Variants in NFIB observed in about 807,000 individuals in gnomAD.
NFIB encodes nuclear factor 1 B-type.
NFIB carries 11 observed loss-of-function variants against 61.5 expected under a neutral mutation model. That is an observed-to-expected ratio of 0.18 (90% CI 0.11 to 0.30). The LOEUF (loss-of-function observed/expected upper bound fraction) is 0.30, where lower values mean the gene tolerates loss of function less well. Among genes scored for constraint, NFIB ranks in the 10% least tolerant of loss-of-function variants. The probability of loss-of-function intolerance (pLI) is 1.00; values close to 1 mark genes in which losing one functional copy is unlikely to be tolerated. For synonymous variants in NFIB, 260 were observed against 216.5 expected, an observed-to-expected ratio of 1.20 and a Z score of -1.76; for missense variants, 471 against 608.9, an observed-to-expected ratio of 0.77 and a Z score of 2.38.
At chr9:14,267,430 C>A (rs971873111) in intron 2 of NFIB, among the ~76,000 whole-genome samples, 1 of 152,068 alleles carries the variant, frequency 6.6e-6, no homozygotes, top group Non-Finnish European at 1.5e-5. Context: ...CTCAAAGGGC[C>A]TTTTAACCAA....
intron 1 of NFIB, among the ~76,000 whole-genome samples, chr9:14,366,651 AG>A (rs2061303444): frequency 6.6e-6 from 1 of 151,778 alleles, no homozygotes; most frequent in South Asian, 2.1e-4. Flanking sequence ...ATACCTGGCT[AG>A]TTTTTTGTAT....
At chr9:14,246,731 G>C (rs2054972604) in intron 2 of NFIB, among the ~76,000 whole-genome samples, 1 of 152,138 alleles carries the variant, frequency 6.6e-6, no homozygotes, top group South Asian at 2.1e-4. Flanking sequence ...GTGCTAACAG[G>C]CTAGAGTGAA....
chr9:14,294,981 T>G (rs17213362), intron 2 of NFIB, among the ~76,000 whole-genome samples: 37,527 of 152,108 alleles, frequency 0.25, 4,876 homozygotes, highest in Middle Eastern at 0.33. Context: ...CAACCAGAGC[T>G]ACTGAAGTCA....
At chr9:14,448,924 C>G in the NFIB span, among the ~76,000 whole-genome samples, 1 of 152,044 alleles carries the variant, frequency 6.6e-6, no homozygotes, top group Non-Finnish European at 1.5e-5. Context: ...GATATGCATA[C>G]AAATCAAAGA....
At chr9:14,315,801 G>A (rs1250409119), upstream of NFIB, among the ~76,000 whole-genome samples, 1 of 151,954 alleles carries the variant, frequency 6.6e-6, no homozygotes, top group Non-Finnish European at 1.5e-5. Flanking sequence ...TGGGGACGAG[G>A]GGGAAGCAAA....
At chr9:14,458,721 T>C in the NFIB span, among the ~76,000 whole-genome samples, 2 of 152,002 alleles carry the variant, frequency 1.3e-5, no homozygotes, top group East Asian at 1.9e-4. Context: ...TATACACCAA[T>C]AACAGACAAA....
the NFIB span, among the ~76,000 whole-genome samples, chr9:14,463,474 C>G: frequency 1.3e-5 from 2 of 151,768 alleles, no homozygotes; most frequent in African/African-American, 2.4e-5. Context: ...GAAAAAAAAG[C>G]CGTTTCTGTC....
chr9:14,286,433 T>C (rs2058713618), intron 2 of NFIB, among the ~76,000 whole-genome samples: 2 of 152,190 alleles, frequency 1.3e-5, no homozygotes, highest in African/African-American at 4.8e-5. Flanking sequence ...TATGTATAAC[T>C]ACCATGTACA....
intron 2 of NFIB, among the ~76,000 whole-genome samples, chr9:14,280,695 G>T: frequency 1.3e-5 from 2 of 152,274 alleles, no homozygotes; most frequent in Middle Eastern, 6.8e-3. Flanking sequence ...TGACAGCTCA[G>T]TGTGGGTGCA....
At chr9:14,209,259 C>T (rs1348405810) in intron 2 of NFIB, among the ~76,000 whole-genome samples, 7 of 152,176 alleles carry the variant, frequency 4.6e-5, no homozygotes, top group Non-Finnish European at 2.9e-5. Flanking sequence ...GCTGGTATTT[C>T]TTTAAAGTTC....
At chr9:14,170,496 G>T (rs2131353705) in intron 3 of NFIB, among the ~76,000 whole-genome samples, 1 of 152,298 alleles carries the variant, frequency 6.6e-6, no homozygotes, top group African/African-American at 2.4e-5. Context: ...TTAAAAATTA[G>T]CTGGGCATGG....
At chr9:14,119,111 T>G (rs2038583046) in intron 8 of NFIB, among the ~76,000 whole-genome samples, 1 of 152,118 alleles carries the variant, frequency 6.6e-6, no homozygotes, top group South Asian at 2.1e-4. Context: ...TCATGGAAAT[T>G]CTACACAAAT....
chr9:14,105,539 A>G (rs567869571), intron 10 of NFIB, among the ~76,000 whole-genome samples: 5 of 152,258 alleles, frequency 3.3e-5, no homozygotes, highest in Middle Eastern at 6.8e-3. Context: ...TTTTCAATTA[A>G]TAAACCTTCT....
At chr9:14,237,306 T>C (rs2053836307) in intron 2 of NFIB, among the ~76,000 whole-genome samples, 3 of 152,188 alleles carry the variant, frequency 2.0e-5, no homozygotes, top group Admixed American at 2.0e-4. Flanking sequence ...ATCCTATTGA[T>C]TTACTGTGAC....
rs931350837 is a variant in NFIB, at chr9:14,147,856, G to A, written c.807-1049C>T. On this transcript the variant is annotated intron_variant, in intron 5 of 10. Coordinates refer to ENST00000380953, the MANE Select transcript of NFIB (RefSeq NM_001190737.2). ...GGGGTTTTGCTATTTTGCCCTGGCT[G>A]GTGTTGAATTCCTGGACTCAAGCGA... Among the ~76,000 whole-genome samples, 12 of 151,676 alleles carry A rather than the reference G, an allele frequency of 7.9e-5. No homozygotes were observed. The East Asian group carries it at 2.1e-3, about 27-fold the overall frequency.
At chr9:14,517,117 T>C in the NFIB span, among the ~76,000 whole-genome samples, 3 of 152,212 alleles carry the variant, frequency 2.0e-5, no homozygotes, top group Admixed American at 1.3e-4. Flanking sequence ...CCTAAATAGA[T>C]TGGGAGCCAC....
At chr9:14,274,894 T>A (rs992568158) in intron 2 of NFIB, among the ~76,000 whole-genome samples, 1 of 152,322 alleles carries the variant, frequency 6.6e-6, no homozygotes, top group Non-Finnish European at 1.5e-5. Context: ...CTAAATTAAC[T>A]GATTTCTTAA....
At chr9:14,482,421 C>A in the NFIB span, among the ~76,000 whole-genome samples, 1 of 152,138 alleles carries the variant, frequency 6.6e-6, no homozygotes, top group African/African-American at 2.4e-5. Flanking sequence ...ACTGCCAGCT[C>A]CCTTCACCAG....
the NFIB span, among the ~76,000 whole-genome samples, chr9:14,529,999 T>A: frequency 6.6e-6 from 1 of 152,188 alleles, no homozygotes; most frequent in Non-Finnish European, 1.5e-5. Flanking sequence ...TGAAATTTAA[T>A]GTCAAAATAT....
Sources: gnomAD v4.1 joint callset for allele counts (sites outside exome capture counted in the v4.1 genomes callset) on GRCh38, gnomAD v4.1.1 for gene constraint, MANE v1.5 for transcripts, NCBI Gene and HGNC (gene_info 2026-07-23, HGNC 2026-07-21) for gene names.